The following SVOPL variants were observed in gnomAD, a reference collection of about 807,000 sequenced individuals.
The protein encoded by SVOPL is SVOP like.
Under a neutral mutation model 61.0 loss-of-function variants are expected in SVOPL, and 60 were observed. That is an observed-to-expected ratio of 0.98 (90% CI 0.80 to 1.22). The LOEUF is 1.22. Among genes scored for constraint, SVOPL ranks in the 50% most tolerant of loss-of-function variants. The probability of loss-of-function intolerance (pLI) is 0.00; values close to 1 mark genes in which losing one functional copy is unlikely to be tolerated. For synonymous variants in SVOPL, 279 were observed against 250.0 expected (o/e 1.12, Z -1.09); for missense variants, 662 against 643.9 (o/e 1.03, Z -0.30).
chr7:138,648,114 A>G (rs966060407), intron 8 of SVOPL, among the ~76,000 whole-genome samples: 1 of 152,124 alleles, frequency 6.6e-6, no homozygotes, highest in South Asian at 2.1e-4. Context: ...TGAACAACCT[A>G]CAGATGAGTG....
At chr7:138,660,140 CCAA>C in intron 5 of SVOPL, 152 bp from the exon 6 acceptor site, 1 of 1,439,282 alleles carries the variant, frequency 6.9e-7, no homozygotes, top group East Asian at 2.6e-5. Context: ...TCACAATCAT[CCAA>C]CAATACAATC....
At chr7:138,680,680 G>A (rs185401586) in intron 1 of SVOPL, among the ~76,000 whole-genome samples, 2,937 of 152,094 alleles carry the variant, frequency 0.019, 95 homozygotes, top group African/African-American at 0.068. Context: ...CCGGGTTCAT[G>A]CCATTCTCCT....
intron 3 of SVOPL, among the ~76,000 whole-genome samples, chr7:138,672,656 T>TTTAAAAAAAA (rs35924408): frequency 2.1e-4 from 25 of 118,828 alleles, no homozygotes; most frequent in African/African-American, 6.7e-4. Flanking sequence ...TTTTTGTGTT[T>TTTAAAAAAAA]AAAAAAAAAA....
At position 138,672,688 on chromosome 7, in the gene SVOPL, TCTCA is replaced by T. The variant is rs560513973; in HGVS notation, c.175-575_175-572del. On this transcript the variant is annotated intron_variant, in intron 3 of 15. Transcript: ENST00000674285. ...AAAAAAAAAAAAAGAAGCAATGGGA[TCTCA>T]CTATGTTGCCCAGGCTGGAAACTCC... 5.0e-3 allele frequency among the ~76,000 whole-genome samples: 708 copies of T among 142,898 alleles called. 4 individuals carry two copies. Among genetic ancestry groups the T allele is most frequent in the African/African-American group, 0.018 (682 of 37,174 alleles). The allele number at this position is 142,898 out of a possible 152,430, so 93.7% of individuals were successfully genotyped here.
chr7:138,636,448 C>T (rs991702713), intron 9 of SVOPL, among the ~76,000 whole-genome samples: 7 of 149,512 alleles, frequency 4.7e-5, no homozygotes, highest in Non-Finnish European at 7.4e-5. Flanking sequence ...ATAATGTCAA[C>T]AAAATCTCAA....
At chr7:138,660,452 CAG>C (rs1801954068) in intron 5 of SVOPL, 1 of 988,200 alleles carries the variant, frequency 1.0e-6, no homozygotes. Flanking sequence ...TTGTCCAACC[CAG>C]AGAAGATAAC....
chr7:138,683,538 T>G (rs1802743172), intron 1 of SVOPL, among the ~76,000 whole-genome samples: 1 of 152,026 alleles, frequency 6.6e-6, no homozygotes, highest in Non-Finnish European at 1.5e-5. Context: ...CGAATAATTT[T>G]TGTATTTTTA....
chr7:138,632,347 T>G (rs1800244726), intron 9 of SVOPL, among the ~76,000 whole-genome samples: 1 of 152,206 alleles, frequency 6.6e-6, no homozygotes, highest in Admixed American at 6.5e-5. Flanking sequence ...GGCAGGAGAC[T>G]CGCTTGAACC....
chr7:138,603,856 T>G (rs1352740848), intron 14 of SVOPL, among the ~76,000 whole-genome samples: 1 of 152,110 alleles, frequency 6.6e-6, no homozygotes, highest in Admixed American at 6.6e-5. Flanking sequence ...CCTTTCTCCT[T>G]GTGACAGACT....
intron 10 of SVOPL, 127 bp from the exon 11 acceptor site, chr7:138,628,490 G>A (rs1800002863): frequency 2.0e-5 from 17 of 862,904 alleles, no homozygotes; most frequent in Middle Eastern, 6.6e-4. Flanking sequence ...AGGCTCAGAC[G>A]CCACACAGAG....
At chr7:138,640,869 G>A (rs1158578214) in intron 9 of SVOPL, among the ~76,000 whole-genome samples, 1 of 152,012 alleles carries the variant, frequency 6.6e-6, no homozygotes, top group Non-Finnish European at 1.5e-5. Flanking sequence ...TCATGCAATA[G>A]ACCCATGTAA....
chr7:138,651,455 T>C (rs974328007), intron 7 of SVOPL, among the ~76,000 whole-genome samples: 5 of 152,210 alleles, frequency 3.3e-5, no homozygotes, highest in African/African-American at 1.2e-4. Flanking sequence ...AATCGTGCTT[T>C]GCTTTAGTGC....
chr7:138,648,532 CCAAAA>C lies in SVOPL; in HGVS notation c.660+475_660+479del, dbSNP rs1471350843. On this transcript the variant is annotated intron_variant, in intron 8 of 15. Transcript: ENST00000674285. ...GTGAAACACTGTCTCTACTAAAAAT[CCAAAA>C]AAAAAAAAAAAAAAAAAAAAATTAG... Among the ~76,000 whole-genome samples, 359 of 104,012 alleles carry C rather than the reference CCAAAA, an allele frequency of 3.5e-3. 2 individuals carry two copies. The highest frequency in any genetic ancestry group is 0.014 in the African/African-American group (304 of 21,012). The allele number at this position is 104,012 out of a possible 152,430, so 68.2% of individuals were successfully genotyped here. A position where few individuals can be genotyped will look rare whatever the true frequency, so the allele number is the denominator to read the frequency against.
chr7:138,678,869 T>G (rs533307546), intron 2 of SVOPL, 95 bp downstream of exon 2: 2 of 1,287,824 alleles, frequency 1.6e-6, no homozygotes, highest in South Asian at 2.8e-5. Context: ...CATGCCTGGC[T>G]GCTTCTTTTG....
chr7:138,660,931 A>G lies in SVOPL; in HGVS notation c.346-943T>C, dbSNP rs986409183. ...AAGGAAAAATTTCCTTACATATTTG[A>G]TAAGGAAAAATTATATCTTGCTATG... On this transcript the variant is annotated intron_variant, in intron 5 of 15. Coordinates refer to ENST00000674285, the MANE Select transcript of SVOPL (RefSeq NM_001139456.2). 5.1e-6 allele frequency: 5 copies of G among 983,964 alleles called. No homozygotes were observed. In the Admixed American group the frequency reaches 1.8e-4, roughly 36 times the overall value. 61.0% of individuals were successfully genotyped at this position (983,964 alleles called of 1,614,324 possible). A position where few individuals can be genotyped will look rare whatever the true frequency, so the allele number is the denominator to read the frequency against.
chr7:138,594,372 T>C lies in SVOPL; in HGVS notation c.*238A>G. 1 of 307,582 alleles carries C rather than the reference T, an allele frequency of 3.3e-6. No homozygotes were observed. Among genetic ancestry groups the C allele is most frequent in the South Asian group, 1.3e-4 (1 of 7,734 alleles). The allele number at this position is 307,582 out of a possible 1,614,324, so 19.1% of individuals were successfully genotyped here. ...GCCATCTTCCCCCCCACCATCTCCC[T>C]CTCACACCCCTTTGAAAGCTTAAAT... On this transcript the variant is annotated 3_prime_UTR_variant, in exon 16 of 16. Coordinates refer to ENST00000674285, the MANE Select transcript of SVOPL (RefSeq NM_001139456.2).
At chr7:138,650,295 G>A (rs1287583442) in intron 7 of SVOPL, among the ~76,000 whole-genome samples, 1 of 152,138 alleles carries the variant, frequency 6.6e-6, no homozygotes, top group African/African-American at 2.4e-5. Flanking sequence ...TTGGGGATGA[G>A]GGACAGGGAG....
chr7:138,611,749 T>A, intron 14 of SVOPL, among the ~76,000 whole-genome samples: 1 of 67,858 alleles, frequency 1.5e-5, no homozygotes, highest in African/African-American at 4.1e-5. Context: ...ATAGGAGGAA[T>A]AAGTTCTAAT....
At chr7:138,629,604 C>T (rs964588053) in intron 10 of SVOPL, among the ~76,000 whole-genome samples, 3 of 152,170 alleles carry the variant, frequency 2.0e-5, no homozygotes, top group African/African-American at 4.8e-5. Flanking sequence ...ACTCATCAAT[C>T]TTTTCCTTTA....
Sources: gnomAD v4.1 joint callset for allele counts (sites outside exome capture counted in the v4.1 genomes callset) on GRCh38, gnomAD v4.1.1 for gene constraint, MANE v1.5 for transcripts, NCBI Gene and HGNC (gene_info 2026-07-23, HGNC 2026-07-21) for gene names.